The following NECTIN1 variants were observed in gnomAD, a reference collection of about 807,000 sequenced individuals.
The protein encoded by NECTIN1 is nectin cell adhesion molecule 1.
NECTIN1 carries 23 observed loss-of-function variants against 48.0 expected under a neutral mutation model. That is an observed-to-expected ratio of 0.48 (90% CI 0.34 to 0.68). The LOEUF (loss-of-function observed/expected upper bound fraction) is 0.68, where lower values mean the gene tolerates loss of function less well. Among genes scored for constraint, NECTIN1 ranks in the 30% least tolerant of loss-of-function variants. The pLI, the probability that NECTIN1 is intolerant of heterozygous loss-of-function variation, is 0.01. For synonymous variants in NECTIN1, 270 were observed against 288.9 expected (o/e 0.93, Z 0.66); for missense variants, 591 against 709.9 (o/e 0.83, Z 1.90).
At chr11:119,725,728 G>T (rs940679389) in intron 1 of NECTIN1, among the ~76,000 whole-genome samples, 90 of 152,244 alleles carry the variant, frequency 5.9e-4, no homozygotes, top group African/African-American at 2.1e-3. Flanking sequence ...GCAGAGAGGG[G>T]TGTGCTGTGA....
At chr11:119,719,532 A>G (rs1238828740) in intron 1 of NECTIN1, among the ~76,000 whole-genome samples, 1 of 152,250 alleles carries the variant, frequency 6.6e-6, no homozygotes, top group African/African-American at 2.4e-5. Context: ...TGGGGAGAAC[A>G]GAAGTACCTT....
At chr11:119,669,008 T>C (rs999759128) in intron 5 of NECTIN1, among the ~76,000 whole-genome samples, 2 of 152,232 alleles carry the variant, frequency 1.3e-5, no homozygotes, top group Non-Finnish European at 2.9e-5. Context: ...CTTCCTCAAC[T>C]AGGTTGAATT....
At position 119,664,832 on chromosome 11, in the gene NECTIN1, T is replaced by G; in HGVS notation, c.1469A>C (p.Tyr490Ser). The part of the protein sequence containing the change: ...GYGDRTLGYQ[Y>S]DPEQLDLAEN... The stretch of plus-strand genomic sequence containing the variant: ...AGCCAAGTCCAGCTGCTCAGGGTCG[T>G]ACTGGTAGCCCAGAGTCCGGTCCCC... The change falls in exon 6 of 6, where the codon TAC becomes TCC. Residue 490 changes from tyrosine to serine, a missense_variant. Transcript: ENST00000264025. The G allele has an allele frequency of 6.2e-7, 1 of 1,613,954 alleles. No homozygotes were observed. The highest frequency in any genetic ancestry group is 8.5e-7 in the Non-Finnish European group (1 of 1,179,932).
chr11:119,690,468 G>T (rs1487133788), intron 1 of NECTIN1, among the ~76,000 whole-genome samples: 1 of 152,198 alleles, frequency 6.6e-6, no homozygotes, highest in Non-Finnish European at 1.5e-5. Context: ...AGAAAAAAAA[G>T]GGGATGGGAA....
intron 5 of NECTIN1, among the ~76,000 whole-genome samples, chr11:119,645,594 GT>G (rs943286226): frequency 7.2e-5 from 11 of 152,172 alleles, no homozygotes; most frequent in Non-Finnish European, 1.5e-4. Flanking sequence ...TCCTCAGCCT[GT>G]CCCCCAAGGT....
chr11:119,688,432 C>T (rs918052890), intron 1 of NECTIN1, among the ~76,000 whole-genome samples: 3 of 151,688 alleles, frequency 2.0e-5, no homozygotes, highest in African/African-American at 7.3e-5. Flanking sequence ...GCACCAATGA[C>T]ATTTTGGAGG....
In NECTIN1 at chr11:119,661,614, T is replaced by A. The variant is rs930271026; in HGVS notation, c.*3133A>T. 10 of 985,824 alleles carry A rather than the reference T, an allele frequency of 1.0e-5. No individual in the cohort carries two copies. Among genetic ancestry groups the A allele is most frequent in the Non-Finnish European group, 1.2e-5 (10 of 829,922 alleles). The allele number at this position is 985,824 out of a possible 1,614,324, so 61.1% of individuals were successfully genotyped here. On this transcript the variant is annotated 3_prime_UTR_variant, in exon 6 of 6. Coordinates refer to ENST00000264025, the MANE Select transcript of NECTIN1 (RefSeq NM_002855.5). ...CACACCCACCTAACACAATTCCCAA[T>A]TTCTCTGCTCTGAGGAAGGCAGAAA...
At chr11:119,724,500 T>C (rs1318946225) in intron 1 of NECTIN1, among the ~76,000 whole-genome samples, 2 of 152,052 alleles carry the variant, frequency 1.3e-5, no homozygotes, top group African/African-American at 2.4e-5. Context: ...CGGTAGTGTG[T>C]CCTAGAAGAG....
In NECTIN1 at chr11:119,678,770, C is replaced by T; in HGVS notation, c.80-5G>A. ...GGACCACCTGGGAGTGGACGCCTGG[C>T]CAGGAGGATGGCAGCAAGTGGTCAG... On this transcript the variant is annotated splice_polypyrimidine_tract_variant and splice_region_variant and intron_variant, in intron 1 of 5. Transcript: ENST00000264025. This position sits in a 1 kb window ranked among gnomAD's most constrained non-coding sequence, Gnocchi z 4.4. The T allele has an allele frequency of 6.3e-7, 1 of 1,596,392 alleles. No individual in the cohort carries two copies. The highest frequency in any genetic ancestry group is 8.5e-7 in the Non-Finnish European group (1 of 1,171,180).
Position 119,663,786 on chromosome 11 carries a change from C to T in NECTIN1, c.*961G>A, listed in dbSNP as rs567953400. The T allele has an allele frequency of 5.5e-4, 544 of 985,468 alleles. No homozygotes were observed. The highest frequency in any genetic ancestry group is 3.1e-3 in the Middle Eastern group (6 of 1,914). 61.0% of individuals were successfully genotyped at this position (985,468 alleles called of 1,614,324 possible). ...GCCTGAGATCCTAGGGTGGAGGCAC[C>T]GGGGACCCAGTCTCAGCTGTCTCTG... is the stretch of plus-strand genomic sequence containing the variant. On this transcript the variant is annotated 3_prime_UTR_variant, in exon 6 of 6. Transcript: ENST00000264025.
At chr11:119,704,055 C>T (rs1421266967) in intron 1 of NECTIN1, among the ~76,000 whole-genome samples, 5 of 152,170 alleles carry the variant, frequency 3.3e-5, no homozygotes, top group East Asian at 1.9e-4. Flanking sequence ...CCAGCTTTAC[C>T]CAGGAACACG....
chr11:119,692,143 A>G (rs1865267211), intron 1 of NECTIN1, among the ~76,000 whole-genome samples: 1 of 152,108 alleles, frequency 6.6e-6, no homozygotes, highest in African/African-American at 2.4e-5. Context: ...CCCAACACGA[A>G]TCTATCAGGA....
At chr11:119,707,729 G>T (rs561645154) in intron 1 of NECTIN1, among the ~76,000 whole-genome samples, 89 of 152,216 alleles carry the variant, frequency 5.8e-4, no homozygotes, top group Non-Finnish European at 5.9e-5. Context: ...TATCATAGTT[G>T]TACATATTTT....
At chr11:119,712,280 TC>T (rs1865663710) in intron 1 of NECTIN1, among the ~76,000 whole-genome samples, 1 of 149,392 alleles carries the variant, frequency 6.7e-6, no homozygotes, top group East Asian at 2.0e-4. Flanking sequence ...CCCAGCCCAC[TC>T]CTTCTCAGCC....
At chr11:119,639,883 G>T (rs149487173) in exon 6 of NECTIN1, 10 of 1,614,170 alleles carry the variant, frequency 6.2e-6, no homozygotes, top group Admixed American at 3.3e-5. Flanking sequence ...ATCCGTCTCC[G>T]GTGGGCTCTT....
Position 119,664,188 on chromosome 11 carries a change from C to T in NECTIN1, c.*559G>A. ...CCCTGGGAACTGGGGAGAAGCCGCA[C>T]CCCTCCCCCTACCTCTTGGGCGCAC... On this transcript the variant is annotated 3_prime_UTR_variant, in exon 6 of 6. Coordinates refer to ENST00000264025, the MANE Select transcript of NECTIN1 (RefSeq NM_002855.5). The T allele has an allele frequency of 1.0e-6, 1 of 986,842 alleles. No individual in the cohort carries two copies. Among genetic ancestry groups the T allele is most frequent in the Non-Finnish European group, 1.2e-6 (1 of 830,722 alleles). The allele number at this position is 986,842 out of a possible 1,614,324, so 61.1% of individuals were successfully genotyped here. A position where few individuals can be genotyped will look rare whatever the true frequency, so the allele number is the denominator to read the frequency against.
chr11:119,653,022 A>T (rs555233342), intron 5 of NECTIN1, among the ~76,000 whole-genome samples: 1 of 152,126 alleles, frequency 6.6e-6, no homozygotes, highest in South Asian at 2.1e-4. Flanking sequence ...AAAATAGTAT[A>T]CTCGATTGTA....
chr11:119,669,237 C>T (rs1049130612), intron 5 of NECTIN1, among the ~76,000 whole-genome samples: 7 of 152,100 alleles, frequency 4.6e-5, no homozygotes, highest in Non-Finnish European at 1.0e-4. Flanking sequence ...CATGGTGAAA[C>T]CTCGTCTCTA....
At chr11:119,712,420 T>C (rs1482124066) in intron 1 of NECTIN1, among the ~76,000 whole-genome samples, 2 of 152,012 alleles carry the variant, frequency 1.3e-5, no homozygotes, top group African/African-American at 2.4e-5. Flanking sequence ...GGGGGCTTTG[T>C]GCAAAGATCA....
Sources: gnomAD v4.1 joint callset for allele counts (sites outside exome capture counted in the v4.1 genomes callset) on GRCh38, gnomAD v4.1.1 for gene constraint, Gnocchi (gnomAD v3.1) non-coding constraint, MANE v1.5 for transcripts, NCBI Gene and HGNC (gene_info 2026-07-23, HGNC 2026-07-21) for gene names.